Variants in MACF1 observed in about 807,000 individuals in gnomAD.
The protein encoded by MACF1 is microtubule actin crosslinking factor 1, also known as microtubule-actin cross-linking factor 1.
A neutral mutation model predicts 854.8 loss-of-function variants in MACF1; 193 were observed. That is an observed-to-expected ratio of 0.23 (90% CI 0.20 to 0.25). The LOEUF (loss-of-function observed/expected upper bound fraction) is 0.25, where lower values mean the gene tolerates loss of function less well. Among genes scored for constraint, MACF1 ranks in the 10% least tolerant of loss-of-function variants. MACF1 has a pLI of 1.00. For synonymous variants in MACF1, 3,185 were observed against 3,226.7 expected, an observed-to-expected ratio of 0.99 and a Z score of 0.44; for missense variants, 7,722 against 8,929.1, an observed-to-expected ratio of 0.86 and a Z score of 5.45.
chr1:39,334,479 G>A lies in MACF1; in HGVS notation c.7891G>A (p.Glu2631Lys). The change falls in exon 37 of 101, where the codon GAA (glutamate) becomes AAA (lysine). Residue 2631 changes from glutamate to lysine, a missense_variant. Physicochemically the swap from Glu to Lys is moderately conservative, Grantham distance 56. Around this residue, in one of 15 missense-constraint regions of MACF1, gnomAD observed 1,531 missense variants for 1,601.6 expected, o/e 0.96. Coordinates refer to ENST00000564288, the MANE Select transcript of MACF1 (RefSeq NM_001394062.1). ...GAACTGCAGAATTGTCCCCTACTCAGAATTAGTCAAGAAATGTAAGATTGA... is the reference window on the plus strand; with the variant it reads ...GAACTGCAGAATTGTCCCCTACTCAAAATTAGTCAAGAAATGTAAGATTGA... ...PENCRIVPYSELVKKCKIDIE... is the reference protein window; with the variant it reads ...PENCRIVPYSKLVKKCKIDIE... The A allele has an allele frequency of 6.2e-7, 1 of 1,614,068 alleles. No homozygotes were observed. The highest frequency in any genetic ancestry group is 8.5e-7 in the Non-Finnish European group (1 of 1,179,996).
intron 17 of MACF1, 131 bp downstream of exon 17, chr1:39,292,974 A>G: frequency 1.6e-6 from 1 of 639,428 alleles, no homozygotes; most frequent in Middle Eastern, 2.5e-4. Flanking sequence ...TATATCATTT[A>G]CTATGCACTT....
rs184617814 is a variant in MACF1 at position 39,197,012 on chromosome 1, C to T, written c.221-34170C>T. Among the ~76,000 whole-genome samples, 283 of 152,184 alleles carry T rather than the reference C, an allele frequency of 1.9e-3. 1 individual carries two copies. Among genetic ancestry groups the T allele is most frequent in the African/African-American group, 6.5e-3 (271 of 41,482 alleles). On this transcript the variant is annotated intron_variant, in intron 2 of 93. Transcript: ENST00000361689. ...CCCGTTGGCTGTTAGTAAGGGATAT[C>T]CTGGGGGGTGCTAAATGTGACTTTA...
At chr1:39,465,045 CTTTT>C in intron 94 of MACF1, 46 bp from the exon 95 acceptor site, 1 of 1,529,002 alleles carries the variant, frequency 6.5e-7, no homozygotes, top group Non-Finnish European at 9.0e-7. Context: ...AAAATGTTCT[CTTTT>C]TTTTTCCCCT....
rs72661924 is a variant in MACF1 at position 39,196,978 on chromosome 1, G to T, written c.221-34204G>T. On this transcript the variant is annotated intron_variant, in intron 2 of 93. Transcript: ENST00000361689. ...TTCTACAAGGCTTCTTTCATGGTTT[G>T]GGGCCCTGCCCGTTGGCTGTTAGTA... 7.7e-4 allele frequency among the ~76,000 whole-genome samples: 117 copies of T among 152,258 alleles called. 1 individual carries two copies. Among genetic ancestry groups the T allele is most frequent in the Middle Eastern group, 3.4e-3 (1 of 294 alleles).
Position 39,370,211 on chromosome 1 carries a change from A to C in MACF1, c.13095+25A>C, listed in dbSNP as rs778745959. On this transcript the variant is annotated intron_variant, in intron 51 of 100. Coordinates refer to ENST00000564288, the MANE Select transcript of MACF1 (RefSeq NM_001394062.1). ...GGTAGGTGAACAAAGGGACTCCAAG[A>C]ATTGGGCTAGGCACTGGTTTGAATA... 5.0e-6 allele frequency: 8 copies of C among 1,589,828 alleles called. No individual in the cohort carries two copies. In the Admixed American group the frequency reaches 1.1e-4, roughly 21 times the overall value.
rs1467334749 is a variant in MACF1 at position 39,283,085 on chromosome 1, T to G, written c.696-104T>G. ...ACCTCCTGCTTTTTCTCTAACTCAC[T>G]TAGTGTTTTTCAGCTCTGGGAACTT... is the stretch of plus-strand genomic sequence containing the variant. On this transcript the variant is annotated intron_variant, in intron 7 of 100. Coordinates refer to ENST00000564288, the MANE Select transcript of MACF1 (RefSeq NM_001394062.1). The surrounding 1 kb of genome is among the most constrained non-coding windows in gnomAD (Gnocchi z 4.5). The G allele has an allele frequency of 5.7e-6, 4 of 702,654 alleles. No homozygotes were observed. Among genetic ancestry groups the G allele is most frequent in the Non-Finnish European group, 9.9e-6 (4 of 403,414 alleles). The allele number at this position is 702,654 out of a possible 1,614,324, so 43.5% of individuals were successfully genotyped here.
chr1:39,275,768 G>T (rs1026720797), intron 6 of MACF1, among the ~76,000 whole-genome samples: 1 of 152,144 alleles, frequency 6.6e-6, no homozygotes, highest in African/African-American at 2.4e-5. Context: ...GACTCTGAAT[G>T]TGAATACTGA....
intron 2 of MACF1, among the ~76,000 whole-genome samples, chr1:39,170,328 C>G (rs4660501): frequency 1.3e-5 from 2 of 152,162 alleles, no homozygotes; most frequent in Non-Finnish European, 2.9e-5. Flanking sequence ...TCATGCCTAG[C>G]CAAGTTTAAA....
At chr1:39,186,455 C>G (rs537380738) in intron 2 of MACF1, among the ~76,000 whole-genome samples, 6 of 151,612 alleles carry the variant, frequency 4.0e-5, no homozygotes, top group Non-Finnish European at 8.8e-5. Flanking sequence ...TTTAGGGGCT[C>G]ACCTATAGGA....
chr1:39,297,168 T>C (rs1645940153), intron 20 of MACF1, among the ~76,000 whole-genome samples: 1 of 152,168 alleles, frequency 6.6e-6, no homozygotes, highest in Non-Finnish European at 1.5e-5. Flanking sequence ...CCTCGTGATC[T>C]GCCCGCCTTG....
At chr1:39,241,196 T>C (rs1644918875) in intron 2 of MACF1, among the ~76,000 whole-genome samples, 1 of 152,186 alleles carries the variant, frequency 6.6e-6, no homozygotes, top group Non-Finnish European at 1.5e-5. Context: ...TTTCCCTGTA[T>C]CTTTTAATAA....
intron 2 of MACF1, among the ~76,000 whole-genome samples, chr1:39,116,386 A>ATGTG (rs59572260): frequency 0.13 from 20,266 of 150,300 alleles, 1,662 homozygotes; most frequent in Non-Finnish European, 0.19. Context: ...GTGAGTGTGT[A>ATGTG]TGTGTGTGTG....
At chr1:39,101,294 T>C (rs966323139) in intron 2 of MACF1, among the ~76,000 whole-genome samples, 2 of 148,742 alleles carry the variant, frequency 1.3e-5, no homozygotes, top group Non-Finnish European at 3.0e-5. Context: ...GAGGTGGAGG[T>C]TGCAGTGAGC....
intron 58 of MACF1, among the ~76,000 whole-genome samples, chr1:39,394,248 TTG>T (rs1557628772): frequency 5.5e-5 from 8 of 146,274 alleles, no homozygotes; most frequent in African/African-American, 1.8e-4. Flanking sequence ...ATTTGATTGA[TTG>T]ATTGATTGAT....
intron 58 of MACF1, among the ~76,000 whole-genome samples, chr1:39,402,087 C>T (rs758086427): frequency 9.2e-5 from 14 of 152,062 alleles, no homozygotes; most frequent in Non-Finnish European, 1.5e-4. Context: ...TGGTGGGTGC[C>T]TATAATTCCA....
At chr1:39,351,145 G>A (rs1043479525) in intron 43 of MACF1, 127 bp downstream of exon 43, 1 of 662,998 alleles carries the variant, frequency 1.5e-6, no homozygotes, top group African/African-American at 1.8e-5. Flanking sequence ...GCTACTTCAG[G>A]AGCTAGTCTG....
In MACF1 at chr1:39,353,114, A is replaced by G. The variant is rs148218605; in HGVS notation, c.11307A>G (p.Pro3769=). The G allele has an allele frequency of 6.2e-7, 1 of 1,614,142 alleles. No homozygotes were observed. Among genetic ancestry groups the G allele is most frequent in the South Asian group, 1.1e-5 (1 of 91,084 alleles). Reference sequence around the variant, plus strand: ...GTGGACAGCTGCTGACCAACCTTCCAGGAATGGAGCAGCTCTCGGGAGCTA... The same window carrying G: ...GTGGACAGCTGCTGACCAACCTTCCGGGAATGGAGCAGCTCTCGGGAGCTA... ...SSGGQLLTNL[P]GMEQLSGASL... is the part of the protein sequence containing the mutation. Residue 3769 remains proline, a synonymous_variant, in exon 44 of 101, where the codon CCA becomes CCG. Transcript: ENST00000564288.
chr1:39,187,727 T>G (rs1464241900), intron 2 of MACF1, among the ~76,000 whole-genome samples: 1 of 152,214 alleles, frequency 6.6e-6, no homozygotes, highest in Non-Finnish European at 1.5e-5. Flanking sequence ...ATTTAAAATT[T>G]TTTTGTAGAA....
At chr1:39,308,448 A>G (rs1206464673) in intron 23 of MACF1, among the ~76,000 whole-genome samples, 1 of 152,136 alleles carries the variant, frequency 6.6e-6, no homozygotes, top group East Asian at 1.9e-4. Context: ...AATGCCTCCT[A>G]TTTAACTGAT....
Sources: allele counts gnomAD v4.1 joint callset (sites outside exome capture counted in the v4.1 genomes callset), GRCh38; gene constraint gnomAD v4.1.1; regional missense constraint gnomAD v4.1.1; non-coding constraint Gnocchi (gnomAD v3.1); transcripts MANE v1.5; gene names NCBI Gene and HGNC (gene_info 2026-07-23, HGNC 2026-07-21).